Variants in LYRM4 observed in about 807,000 individuals in gnomAD.
LYRM4 encodes the protein LYR motif-containing protein 4.
In LYRM4, 9 loss-of-function variants were observed where a neutral mutation model predicts 11.7. The observed-to-expected ratio is 0.77, with a 90% confidence interval of 0.46 to 1.34. The LOEUF (loss-of-function observed/expected upper bound fraction) is 1.34. Among genes scored for constraint, LYRM4 ranks in the 40% most tolerant of loss-of-function variants. The pLI, the probability that LYRM4 is intolerant of heterozygous loss-of-function variation, is 0.00. For synonymous variants in LYRM4, 42 were observed against 40.4 expected, an observed-to-expected ratio of 1.04 and a Z score of -0.15; for missense variants, 133 against 112.5, an observed-to-expected ratio of 1.18 and a Z score of -0.82.
At chr6:5,126,839 T>A (rs1385473086) in intron 2 of LYRM4, among the ~76,000 whole-genome samples, 1 of 151,334 alleles carries the variant, frequency 6.6e-6, no homozygotes, top group African/African-American at 2.4e-5. Context: ...TGGGAGGGAG[T>A]GTGGAGTGAG....
chr6:5,072,838 T>A, the LYRM4 span, among the ~76,000 whole-genome samples: 1 of 152,164 alleles, frequency 6.6e-6, no homozygotes, highest in Non-Finnish European at 1.5e-5. Flanking sequence ...GGGCAGGGGA[T>A]GAAGACTTCT....
chr6:5,163,416 C>T (rs1272818053), intron 2 of LYRM4, among the ~76,000 whole-genome samples: 1 of 152,030 alleles, frequency 6.6e-6, no homozygotes, highest in Non-Finnish European at 1.5e-5. Flanking sequence ...GATCAGTTTG[C>T]CTAGCCTCGC....
At chr6:5,250,421 T>A (rs187727725) in intron 1 of LYRM4, among the ~76,000 whole-genome samples, 395 of 152,328 alleles carry the variant, frequency 2.6e-3, no homozygotes, top group Non-Finnish European at 4.7e-3. Context: ...TATAATTTTC[T>A]CAATCTAAAT....
At chr6:5,171,678 A>C (rs1393743837) in intron 2 of LYRM4, among the ~76,000 whole-genome samples, 1 of 152,204 alleles carries the variant, frequency 6.6e-6, no homozygotes, top group Non-Finnish European at 1.5e-5. Flanking sequence ...TAAACATTTT[A>C]AGAGTCTAAC....
chr6:5,056,759 T>C, the LYRM4 span, among the ~76,000 whole-genome samples: 13 of 152,366 alleles, frequency 8.5e-5, no homozygotes, highest in Non-Finnish European at 1.8e-4. Context: ...TTGTTTTCAC[T>C]GCACTTCATT....
At chr6:5,152,843 T>C (rs920147122) in intron 2 of LYRM4, among the ~76,000 whole-genome samples, 1 of 152,220 alleles carries the variant, frequency 6.6e-6, no homozygotes, top group Non-Finnish European at 1.5e-5. Context: ...AGACGGCAAC[T>C]CTTTACCCAC....
chr6:5,147,167 ATGTTTG>A (rs1381390630), intron 2 of LYRM4, among the ~76,000 whole-genome samples: 3 of 152,206 alleles, frequency 2.0e-5, no homozygotes, highest in Non-Finnish European at 4.4e-5. Context: ...CTTTGCTGTG[ATGTTTG>A]TGTTTGAGTC....
intron 2 of LYRM4, among the ~76,000 whole-genome samples, chr6:5,123,066 C>G (rs1376046836): frequency 1.3e-5 from 2 of 152,232 alleles, no homozygotes; most frequent in Non-Finnish European, 2.9e-5. Flanking sequence ...ACATACCCAA[C>G]TACCTGGGCT....
intron 2 of LYRM4, among the ~76,000 whole-genome samples, chr6:5,173,050 T>C (rs1324220917): frequency 1.3e-5 from 2 of 152,228 alleles, no homozygotes; most frequent in Non-Finnish European, 1.5e-5. Context: ...GGAAGTATCA[T>C]TGCTTTAATG....
chr6:5,180,193 G>A (rs1759985958), intron 2 of LYRM4, among the ~76,000 whole-genome samples: 1 of 152,152 alleles, frequency 6.6e-6, no homozygotes, highest in Non-Finnish European at 1.5e-5. Flanking sequence ...CAGAACCTGT[G>A]GATTCTTCCG....
intron 2 of LYRM4, among the ~76,000 whole-genome samples, chr6:5,192,752 G>A (rs114708989): frequency 0.011 from 1,747 of 152,316 alleles, 31 homozygotes; most frequent in African/African-American, 0.04. Flanking sequence ...AGGGCCTGGC[G>A]CGGTGGCCCG....
chr6:5,041,784 C>G, the LYRM4 span, among the ~76,000 whole-genome samples: 1 of 152,180 alleles, frequency 6.6e-6, no homozygotes. Flanking sequence ...CATTCTGCTT[C>G]TTGTAATTCA....
At chr6:5,144,094 G>T in intron 2 of LYRM4, 1 of 1,516,264 alleles carries the variant, frequency 6.6e-7, no homozygotes, top group South Asian at 1.2e-5. Context: ...TTAGAGAGGT[G>T]AGAGCGATCT....
chr6:5,245,515 G>A (rs530409562), intron 1 of LYRM4, among the ~76,000 whole-genome samples: 4 of 152,230 alleles, frequency 2.6e-5, no homozygotes, highest in African/African-American at 9.6e-5. Context: ...ACATGTTATA[G>A]CCAGGACTTT....
intron 2 of LYRM4, among the ~76,000 whole-genome samples, chr6:5,118,098 T>TTTTTTTTTTTTTGTG: frequency 3.9e-5 from 1 of 25,446 alleles, no homozygotes; most frequent in East Asian, 4.3e-3. Context: ...ATATATATTT[T>TTTTTTTTTTTTTGTG]TGTTTTGTTT....
At chr6:5,091,309 C>G in the LYRM4 span, among the ~76,000 whole-genome samples, 1 of 152,174 alleles carries the variant, frequency 6.6e-6, no homozygotes, top group Non-Finnish European at 1.5e-5. Flanking sequence ...TGGGCAGGTG[C>G]TTGGAAACCT....
the LYRM4 span, chr6:5,042,730 C>G: frequency 2.0e-5 from 3 of 152,664 alleles, no homozygotes; most frequent in African/African-American, 7.2e-5. Flanking sequence ...AGCCTCCAAC[C>G]CAGTGACACT....
chr6:5,071,204 T>G, the LYRM4 span, among the ~76,000 whole-genome samples: 51,580 of 151,280 alleles, frequency 0.34, 9,884 homozygotes, highest in African/African-American at 0.52. Context: ...AAAAAAAAAT[T>G]TATAATGTAA....
chr6:5,204,631 T>C (rs995564115), intron 2 of LYRM4, among the ~76,000 whole-genome samples: 1 of 152,008 alleles, frequency 6.6e-6, no homozygotes. Context: ...CCCTCTCTCC[T>C]TTTTTTCCCT....
Sources: allele counts gnomAD v4.1 joint callset (sites outside exome capture counted in the v4.1 genomes callset), GRCh38; gene constraint gnomAD v4.1.1; transcripts MANE v1.5; gene names NCBI Gene and HGNC (gene_info 2026-07-23, HGNC 2026-07-21).